Variants in NPEPPS observed in about 807,000 individuals in gnomAD.
NPEPPS encodes the protein puromycin-sensitive aminopeptidase.
A neutral mutation model predicts 115.5 loss-of-function variants in NPEPPS; 14 were observed. The observed-to-expected ratio is 0.12, with a 90% CI of 0.08 to 0.19. NPEPPS has a LOEUF of 0.19. Ranked by LOEUF, NPEPPS falls within the 10% of genes least tolerant of loss-of-function variation. The pLI is 1.00. For synonymous variants in NPEPPS, 285 were observed against 390.6 expected (o/e 0.73, Z 3.19); for missense variants, 523 against 1,110.8 (o/e 0.47, Z 7.52).
chr17:47,616,972 C>T (rs1455339230), intron 19 of NPEPPS, among the ~76,000 whole-genome samples: 1 of 151,848 alleles, frequency 6.6e-6, no homozygotes. Context: ...TCAAAAGAGT[C>T]TAAATTGTCT....
chr17:47,589,079 C>T (rs545393321), intron 9 of NPEPPS, among the ~76,000 whole-genome samples: 1 of 152,290 alleles, frequency 6.6e-6, no homozygotes, highest in African/African-American at 2.4e-5. Context: ...CCATGCCCAG[C>T]TAATTTTTGC....
chr17:47,550,421 AC>A (rs1909564442), intron 2 of NPEPPS, among the ~76,000 whole-genome samples: 1 of 140,316 alleles, frequency 7.1e-6, no homozygotes, highest in African/African-American at 2.6e-5. Context: ...AGTAGAACTT[AC>A]TTTTTTTTTT....
chr17:47,544,935 C>T (rs1178341655), intron 1 of NPEPPS, among the ~76,000 whole-genome samples: 1 of 149,368 alleles, frequency 6.7e-6, no homozygotes, highest in South Asian at 2.2e-4. Flanking sequence ...AAACTCCTGA[C>T]CTCAAGTGAT....
rs770126120 is a variant in NPEPPS at position 47,559,710 on chromosome 17, T to G, written c.341-9707T>G. 6.8e-5 allele frequency: 31 copies of G among 453,056 alleles called. 1 individual carries two copies. The highest frequency in any genetic ancestry group is 4.5e-4 in the South Asian group (29 of 63,906). 28.1% of individuals were successfully genotyped at this position (453,056 alleles called of 1,614,324 possible). A position where few individuals can be genotyped will look rare whatever the true frequency, so the allele number is the denominator to read the frequency against. ...CTGGTAGGATATCACTTTTTTGGTT[T>G]CAAGCCCAAAGGAGGGGGTCATTTA... On this transcript the variant is annotated intron_variant, in intron 2 of 22. Transcript: ENST00000322157.
intron 19 of NPEPPS, among the ~76,000 whole-genome samples, chr17:47,615,020 CTG>C (rs1237893671): frequency 6.6e-6 from 1 of 151,122 alleles, no homozygotes; most frequent in African/African-American, 2.4e-5. Context: ...CTTTAAGAAA[CTG>C]TACCTCAAAA....
intron 13 of NPEPPS, 123 bp downstream of exon 13, chr17:47,596,585 T>G (rs1912891624): frequency 4.1e-6 from 2 of 489,674 alleles, no homozygotes; most frequent in Non-Finnish European, 7.2e-6. Flanking sequence ...CCTGTTACTC[T>G]TTTATCAGTA....
intron 21 of NPEPPS, chr17:47,619,383 G>C (rs1261490514): frequency 1.8e-6 from 1 of 551,596 alleles, no homozygotes; most frequent in Non-Finnish European, 3.3e-6. Flanking sequence ...GTGAAATCCT[G>C]TCCCTACTAA....
chr17:47,594,147 G>T (rs1046605963), intron 12 of NPEPPS, among the ~76,000 whole-genome samples: 2 of 151,962 alleles, frequency 1.3e-5, no homozygotes, highest in East Asian at 1.9e-4. Flanking sequence ...AGCGAAACGC[G>T]GTCTCAAAAG....
intron 8 of NPEPPS, chr17:47,586,853 G>T: frequency 2.3e-6 from 1 of 437,988 alleles, no homozygotes; most frequent in Non-Finnish European, 4.5e-6. Flanking sequence ...TTGGACAGCC[G>T]GCTCAGTGCT....
At chr17:47,544,501 C>CATAT (rs1567838738) in intron 1 of NPEPPS, among the ~76,000 whole-genome samples, 2 of 137,222 alleles carry the variant, frequency 1.5e-5, no homozygotes. Flanking sequence ...TGAAATTAAA[C>CATAT]GTATTTATTT....
At chr17:47,594,777 C>T (rs1032412606) in intron 12 of NPEPPS, among the ~76,000 whole-genome samples, 29 of 151,262 alleles carry the variant, frequency 1.9e-4, no homozygotes, top group African/African-American at 6.8e-4. Context: ...GGACTACAGG[C>T]GCCCGCCACC....
At chr17:47,529,920 T>C (rs1375860656), upstream of NPEPPS, among the ~76,000 whole-genome samples, 2 of 47,474 alleles carry the variant, frequency 4.2e-5, no homozygotes, top group Non-Finnish European at 5.5e-5. Flanking sequence ...ACATCCCATT[T>C]TATTTATTTA....
In NPEPPS at chr17:47,612,468, G is replaced by A. The variant is rs776850173; in HGVS notation, c.2104G>A (p.Asp702Asn). The A allele has an allele frequency of 5.0e-6, 8 of 1,613,638 alleles. No homozygotes were observed. Among genetic ancestry groups the A allele is most frequent in the African/African-American group, 2.7e-5 (2 of 74,962 alleles). ...WDPKPGEGHLDALLRGLVLGK... is the reference protein window; with the variant it reads ...WDPKPGEGHLNALLRGLVLGK... ...TTTACTTCTCAAATCAGGTCATCTC[G>A]ATGCACTCCTGAGGGGCTTGGTTCT... Residue 702 changes from aspartate to asparagine, a missense_variant, in exon 18 of 23, where the codon GAT (aspartate) becomes AAT (asparagine). Asp to Asn is a conservative substitution (Grantham distance 23). This residue lies in a region of NPEPPS where 372 missense variants were observed against 542.6 expected (regional missense o/e 0.69). Coordinates refer to ENST00000322157, the MANE Select transcript of NPEPPS (RefSeq NM_006310.4).
chr17:47,539,429 A>T (rs60476385), intron 1 of NPEPPS, among the ~76,000 whole-genome samples: 1 of 152,126 alleles, frequency 6.6e-6, no homozygotes, highest in African/African-American at 2.4e-5. Flanking sequence ...TTTATTTTAA[A>T]TTAGGAAATA....
intron 1 of NPEPPS, among the ~76,000 whole-genome samples, chr17:47,543,157 A>G (rs1044724915): frequency 1.3e-5 from 2 of 151,628 alleles, no homozygotes; most frequent in African/African-American, 4.8e-5. Context: ...AAAAAAAAAA[A>G]AAAAAAGAAA....
chr17:47,546,800 C>T (rs1435450416), intron 2 of NPEPPS, among the ~76,000 whole-genome samples: 2 of 152,092 alleles, frequency 1.3e-5, no homozygotes, highest in East Asian at 3.9e-4. Flanking sequence ...TCCCAAAGTG[C>T]TGGGATTACA....
intron 1 of NPEPPS, among the ~76,000 whole-genome samples, chr17:47,538,328 C>A (rs1908479977): frequency 6.8e-6 from 1 of 147,664 alleles, no homozygotes; most frequent in Admixed American, 7.0e-5. Flanking sequence ...GATTCTTCTG[C>A]CTCAGCCTCC....
chr17:47,534,532 T>C (rs1234416602), intron 1 of NPEPPS, among the ~76,000 whole-genome samples: 2 of 152,274 alleles, frequency 1.3e-5, no homozygotes, highest in East Asian at 3.9e-4. Context: ...AGGTTACATA[T>C]TAGAAACTTA....
intron 17 of NPEPPS, among the ~76,000 whole-genome samples, chr17:47,607,105 T>C (rs1913564148): frequency 6.6e-6 from 1 of 151,954 alleles, no homozygotes. Flanking sequence ...AGGCAGAGAA[T>C]TGCTTGAACC....
Sources: allele counts gnomAD v4.1 joint callset (sites outside exome capture counted in the v4.1 genomes callset), GRCh38; gene constraint gnomAD v4.1.1; regional missense constraint gnomAD v4.1.1; transcripts MANE v1.5; gene names NCBI Gene and HGNC (gene_info 2026-07-23, HGNC 2026-07-21).